Variants in GALNT15 observed in about 807,000 individuals in gnomAD.
GALNT15 encodes UDP-GalNAc transferase T15.
A neutral mutation model predicts 66.8 loss-of-function variants in GALNT15; 67 were observed. That is an observed-to-expected ratio of 1.00 (90% CI 0.82 to 1.23). GALNT15 has a LOEUF of 1.23. Ranked by LOEUF, GALNT15 falls within the 50% of genes most tolerant of loss-of-function variation. GALNT15 has a pLI of 0.00. For synonymous variants in GALNT15, 313 were observed against 311.5 expected, an observed-to-expected ratio of 1.00 and a Z score of -0.05; for missense variants, 827 against 804.3, an observed-to-expected ratio of 1.03 and a Z score of -0.34.
At position 16,208,609 on chromosome 3, in the gene GALNT15, C is replaced by T; in HGVS notation, c.1018C>T (p.His340Tyr). Residue 340 changes from histidine to tyrosine, a missense_variant, in exon 4 of 10, where the codon CAC (histidine) becomes TAC (tyrosine). Physicochemically the swap from His to Tyr is moderately conservative, Grantham distance 83. Coordinates refer to ENST00000339732, the MANE Select transcript of GALNT15 (RefSeq NM_054110.5). ...GGTGTTGGACTGGAAGCTGGATTTC[C>T]ACTGGGAACCTTTGCCAGAGCATGT... The part of the protein sequence containing the change: ...RGVLDWKLDF[H>Y]WEPLPEHVRK... The T allele has an allele frequency of 1.9e-6, 3 of 1,614,134 alleles. No individual in the cohort carries two copies. Among genetic ancestry groups the T allele is most frequent in the South Asian group, 2.2e-5 (2 of 91,062 alleles).
downstream of GALNT15, among the ~76,000 whole-genome samples, chr3:16,236,638 TAACAG>T (rs751531370): frequency 1.5e-4 from 23 of 152,158 alleles, no homozygotes; most frequent in Non-Finnish European, 3.1e-4. Context: ...CTGTTATACA[TAACAG>T]AACAGCAAAA....
At chr3:16,236,103 T>TAAAAAAAAAAAAAA (rs2064123813), downstream of GALNT15, among the ~76,000 whole-genome samples, 1 of 1,874 alleles carries the variant, frequency 5.3e-4, no homozygotes, top group Non-Finnish European at 1.4e-3. Context: ...AGACTATGTC[T>TAAAAAAAAAAAAAA]CAAAAAAAAA....
intron 6 of GALNT15, among the ~76,000 whole-genome samples, chr3:16,216,793 G>A (rs2063883826): frequency 6.6e-6 from 1 of 152,214 alleles, no homozygotes; most frequent in Admixed American, 6.5e-5. Context: ...CATTCCCGGA[G>A]GAAGGTCATG....
intron 6 of GALNT15, among the ~76,000 whole-genome samples, chr3:16,213,320 T>G (rs935035462): frequency 1.7e-4 from 25 of 149,804 alleles, no homozygotes; most frequent in African/African-American, 6.1e-4. Flanking sequence ...CCAGGTGTGG[T>G]GGTGGGCGCC....
intron 1 of GALNT15, among the ~76,000 whole-genome samples, chr3:16,190,102 C>T (rs1480134866): frequency 6.6e-6 from 1 of 152,200 alleles, no homozygotes; most frequent in African/African-American, 2.4e-5. Context: ...ACTCTATTTG[C>T]TTGCCACACC....
rs538136646 is a variant in GALNT15, at chr3:16,184,177, G to C, written c.539+8487G>C. ...GATGAACAAAGGAGGTCAGGGGTGG[G>C]GTTTTGGACACTTGAGTGACACATA... On this transcript the variant is annotated intron_variant, in intron 1 of 9. Coordinates refer to ENST00000339732, the MANE Select transcript of GALNT15 (RefSeq NM_054110.5). The surrounding 1 kb of genome is among the most constrained non-coding windows in gnomAD (Gnocchi z 5.0). Among the ~76,000 whole-genome samples the C allele has an allele frequency of 6.6e-6, 1 of 152,146 alleles. No homozygotes were observed. The highest frequency in any genetic ancestry group is 6.5e-5 in the Admixed American group (1 of 15,272).
chr3:16,234,011 A>G (rs1575005666), downstream of GALNT15, among the ~76,000 whole-genome samples: 1 of 152,066 alleles, frequency 6.6e-6, no homozygotes, highest in East Asian at 1.9e-4. Flanking sequence ...AGTATAGGGG[A>G]CTCCCTGGAG....
chr3:16,222,516 C>A, intron 8 of GALNT15, 99 bp from the exon 9 acceptor site: 1 of 1,415,810 alleles, frequency 7.1e-7, no homozygotes. Context: ...TGAAGATTGC[C>A]CCTAGACCTC....
Position 16,218,504 on chromosome 3 carries a change from G to C in GALNT15, c.1393-899G>C, listed in dbSNP as rs187932669. 1.8e-3 allele frequency among the ~76,000 whole-genome samples: 274 copies of C among 152,206 alleles called. 1 individual carries two copies. The highest frequency in any genetic ancestry group is 3.4e-3 in the Middle Eastern group (1 of 294). On this transcript the variant is annotated intron_variant, in intron 6 of 9. Transcript: ENST00000339732. ...TAATTTGTACTAGTGTTCAGGATTT[G>C]CCTTCATCTCCATCCTAGGACAATT...
intron 5 of GALNT15, among the ~76,000 whole-genome samples, chr3:16,212,268 ATCTC>A (rs1400770683): frequency 1.5e-4 from 23 of 151,890 alleles, no homozygotes; most frequent in African/African-American, 5.1e-4. Context: ...CACATGCTAC[ATCTC>A]TCTAAGTGCT....
At chr3:16,218,428 T>C (rs1221002116) in intron 6 of GALNT15, among the ~76,000 whole-genome samples, 1 of 152,170 alleles carries the variant, frequency 6.6e-6, no homozygotes, top group Non-Finnish European at 1.5e-5. Context: ...CAAGATTTGG[T>C]ACTAAACTTT....
chr3:16,233,417 G>A (rs1333047224), downstream of GALNT15, among the ~76,000 whole-genome samples: 1 of 152,100 alleles, frequency 6.6e-6, no homozygotes, highest in Non-Finnish European at 1.5e-5. Context: ...CCTGTTCAAT[G>A]TAATAACAAC....
intron 6 of GALNT15, among the ~76,000 whole-genome samples, chr3:16,214,049 G>T (rs1180950357): frequency 1.3e-5 from 2 of 152,230 alleles, no homozygotes; most frequent in Non-Finnish European, 2.9e-5. Context: ...GCAGGCTACA[G>T]TCTCCTCTTG....
downstream of GALNT15, among the ~76,000 whole-genome samples, chr3:16,230,716 C>T (rs918337867): frequency 2.6e-5 from 4 of 152,194 alleles, no homozygotes; most frequent in Non-Finnish European, 5.9e-5. This position sits in a 1 kb window ranked among gnomAD's most constrained non-coding sequence, Gnocchi z 4.5. Context: ...GTTGTTCTTT[C>T]GAAGTTCTTT....
downstream of GALNT15, chr3:16,231,802 A>G: frequency 6.5e-7 from 1 of 1,536,152 alleles, no homozygotes; most frequent in Non-Finnish European, 8.7e-7. The surrounding 1 kb of genome is among the most constrained non-coding windows in gnomAD (Gnocchi z 4.1). Flanking sequence ...GGATGAGAAC[A>G]GGGCCAACTC....
the GALNT15 span, among the ~76,000 whole-genome samples, chr3:16,243,309 G>A: frequency 4.6e-5 from 7 of 152,344 alleles, no homozygotes; most frequent in East Asian, 9.6e-4. Flanking sequence ...ATCCAAGGAG[G>A]CCCAAGGATG....
In GALNT15 at chr3:16,211,242, G is replaced by T; in HGVS notation, c.1197+1G>T. ...TGAAAACCTCGAACTGTCTTTCAAG[G>T]TATGTCCTGGACCAAGGGAGGACAG... On this transcript the variant is annotated splice_donor_variant, in intron 5 of 9. Coordinates refer to ENST00000339732, the MANE Select transcript of GALNT15 (RefSeq NM_054110.5). LOFTEE classifies it high-confidence loss of function. This position sits in a 1 kb window ranked among gnomAD's most constrained non-coding sequence, Gnocchi z 4.3. 1 of 1,591,862 alleles carries T rather than the reference G, an allele frequency of 6.3e-7. No homozygotes were observed. Among genetic ancestry groups the T allele is most frequent in the Non-Finnish European group, 8.6e-7 (1 of 1,159,618 alleles).
In GALNT15 at chr3:16,175,810, A is replaced by T. The variant is rs1010100104; in HGVS notation, c.539+120A>T. ...TGACTTAGAGCAAGTGCTTTTCAAG[A>T]TGCAGTACCTGGGCCAGCAGCGTCA... is the stretch of plus-strand genomic sequence containing the variant. On this transcript the variant is annotated intron_variant, in intron 1 of 9. Transcript: ENST00000339732. This position sits in a 1 kb window ranked among gnomAD's most constrained non-coding sequence, Gnocchi z 5.6. 2 of 902,698 alleles carry T rather than the reference A, an allele frequency of 2.2e-6. No homozygotes were observed. Among genetic ancestry groups the T allele is most frequent in the South Asian group, 1.9e-5 (1 of 53,652 alleles). 55.9% of individuals were successfully genotyped at this position (902,698 alleles called of 1,614,324 possible).
intron 9 of GALNT15, among the ~76,000 whole-genome samples, chr3:16,223,408 C>T (rs932051234): frequency 1.3e-5 from 2 of 152,128 alleles, no homozygotes; most frequent in African/African-American, 2.4e-5. Flanking sequence ...ACAGCTTTTT[C>T]TCTACTTCAA....
Sources: allele counts gnomAD v4.1 joint callset (sites outside exome capture counted in the v4.1 genomes callset), GRCh38; gene constraint gnomAD v4.1.1; non-coding constraint Gnocchi (gnomAD v3.1); transcripts MANE v1.5; gene names NCBI Gene and HGNC (gene_info 2026-07-23, HGNC 2026-07-21).